FLVCR1: variants seen among roughly 807,000 people sequenced by gnomAD.
The protein encoded by FLVCR1 is FLVCR choline and heme transporter 1.
In FLVCR1, 34 loss-of-function variants were observed where a neutral mutation model predicts 53.6. The observed-to-expected ratio is 0.63, with a 90% confidence interval of 0.48 to 0.84. The LOEUF is 0.84. Among genes scored for constraint, FLVCR1 ranks in the 40% least tolerant of loss-of-function variants. The probability of loss-of-function intolerance (pLI) is 0.00; values close to 1 mark genes in which losing one functional copy is unlikely to be tolerated. For synonymous variants in FLVCR1, 300 were observed against 286.3 expected, an observed-to-expected ratio of 1.05 and a Z score of -0.48; for missense variants, 677 against 696.7, an observed-to-expected ratio of 0.97 and a Z score of 0.32.
At chr1:212,860,302 C>T (rs1664182481) in intron 1 of FLVCR1, among the ~76,000 whole-genome samples, 1 of 146,958 alleles carries the variant, frequency 6.8e-6, no homozygotes. Context: ...GAGTTGGTTG[C>T]ATCTGCAGGT....
rs1270043080 is a variant in FLVCR1, at chr1:212,899,147, C to T, written c.*3857C>T. ...GTTTCAAAAGCTGTTGCATTTATTA[C>T]AAATGTCACAAATACAGCTCTTGCC... is the stretch of plus-strand genomic sequence containing the variant. On this transcript the variant is annotated 3_prime_UTR_variant, in exon 10 of 10. Coordinates refer to ENST00000366971, the MANE Select transcript of FLVCR1 (RefSeq NM_014053.4). 6.6e-6 allele frequency: 1 copy of T among 152,182 alleles called. No homozygotes were observed. The highest frequency in any genetic ancestry group is 1.5e-5 in the Non-Finnish European group (1 of 68,032). 9.4% of individuals were successfully genotyped at this position (152,182 alleles called of 1,614,324 possible). A position where few individuals can be genotyped will look rare whatever the true frequency, so the allele number is the denominator to read the frequency against.
At chr1:212,881,479 C>G (rs765261868) in intron 3 of FLVCR1, among the ~76,000 whole-genome samples, 2 of 151,996 alleles carry the variant, frequency 1.3e-5, no homozygotes, top group African/African-American at 4.8e-5. Context: ...GCTGGGACTA[C>G]AGGCGCACAC....
rs1665385531 is a variant in FLVCR1, at chr1:212,898,048, G to A, written c.*2758G>A. The A allele has an allele frequency of 6.6e-6, 1 of 152,192 alleles. No homozygotes were observed. Among genetic ancestry groups the A allele is most frequent in the Non-Finnish European group, 1.5e-5 (1 of 68,038 alleles). The allele number at this position is 152,192 out of a possible 1,614,324, so 9.4% of individuals were successfully genotyped here. On this transcript the variant is annotated 3_prime_UTR_variant, in exon 10 of 10. Transcript: ENST00000366971. ...GGAACTCTGTGTCCATGTCCTGGAT[G>A]TATTTCTGTATGTTCCTATAACTCT...
At position 212,872,737 on chromosome 1, in the gene FLVCR1, C is replaced by T. The variant is rs1664638486; in HGVS notation, c.943C>T (p.Pro315Ser). The change falls in exon 3 of 10, where the codon CCC becomes TCC. Residue 315 changes from proline (P) to serine (S), a missense_variant. Physicochemically the swap from Pro to Ser is moderately conservative, Grantham distance 74. Transcript: ENST00000366971. ...GGCTCAAGCAGCTCTTCAAGACAGTCCCCCTGAAGAGTACTCCTATAAGAA... is the reference window on the plus strand; with the variant it reads ...GGCTCAAGCAGCTCTTCAAGACAGTTCCCCTGAAGAGTACTCCTATAAGAA... ...SQAQAALQDS[P>S]PEEYSYKKSI... 6.2e-7 allele frequency: 1 copy of T among 1,612,674 alleles called. No homozygotes were observed. The highest frequency in any genetic ancestry group is 8.5e-7 in the Non-Finnish European group (1 of 1,178,938).
chr1:212,886,030 C>T (rs1665054972), intron 5 of FLVCR1, among the ~76,000 whole-genome samples: 2 of 136,558 alleles, frequency 1.5e-5, no homozygotes, highest in South Asian at 4.6e-4. Flanking sequence ...TTTTGATAGA[C>T]TTTATCTTGT....
chr1:212,881,074 T>C (rs893905165), intron 3 of FLVCR1, among the ~76,000 whole-genome samples: 2 of 152,148 alleles, frequency 1.3e-5, no homozygotes, highest in Non-Finnish European at 2.9e-5. Context: ...AACTAGTACA[T>C]TATACATATA....
At chr1:212,863,589 A>AAAAT (rs1284016323) in intron 1 of FLVCR1, 136 bp from the exon 2 acceptor site, 1 of 843,242 alleles carries the variant, frequency 1.2e-6, no homozygotes, top group East Asian at 2.7e-5. Flanking sequence ...TCTCAAAAAA[A>AAAAT]AAAAAAAGAA....
chr1:212,890,179 C>T (rs1039117036), intron 8 of FLVCR1, among the ~76,000 whole-genome samples: 3 of 152,176 alleles, frequency 2.0e-5, no homozygotes, highest in African/African-American at 7.2e-5. Flanking sequence ...CCATAGTTTG[C>T]CCATGCACAT....
At chr1:212,880,557 G>A (rs1353590242) in intron 3 of FLVCR1, among the ~76,000 whole-genome samples, 1 of 152,136 alleles carries the variant, frequency 6.6e-6, no homozygotes, top group Admixed American at 6.5e-5. Context: ...CAGCACTTTG[G>A]TAGGACAAGG....
chr1:212,889,399 T>A (rs767322314), intron 8 of FLVCR1, 142 bp downstream of exon 8: 18 of 667,228 alleles, frequency 2.7e-5, no homozygotes, highest in Non-Finnish European at 4.9e-5. Context: ...TCTAAAGACA[T>A]GAATCTCTTA....
At chr1:212,861,346 G>T (rs1048715033) in intron 1 of FLVCR1, among the ~76,000 whole-genome samples, 1 of 152,124 alleles carries the variant, frequency 6.6e-6, no homozygotes, top group African/African-American at 2.4e-5. Context: ...GCTCCTCCAG[G>T]AACTTTTTCT....
Position 212,859,203 on chromosome 1 carries a change from G to A in FLVCR1, c.738+13G>A, listed in dbSNP as rs1474142519. The A allele has an allele frequency of 6.2e-6, 10 of 1,613,918 alleles. No individual in the cohort carries two copies. The highest frequency in any genetic ancestry group is 8.5e-6 in the Non-Finnish European group (10 of 1,180,054). On this transcript the variant is annotated intron_variant, in intron 1 of 9. Transcript: ENST00000366971. ...GCTGGGCAATCAGGTAAGTACTGGA[G>A]TGGTAGGTGAAAGTCAGATCCTTAA...
At chr1:212,871,430 T>C (rs569961492) in intron 2 of FLVCR1, among the ~76,000 whole-genome samples, 1 of 152,296 alleles carries the variant, frequency 6.6e-6, no homozygotes, top group Admixed American at 6.5e-5. Context: ...ACAGACAAGG[T>C]CTTGCTTTAT....
In FLVCR1 at chr1:212,872,787, C is replaced by T. The variant is rs750390656; in HGVS notation, c.993C>T (p.Asn331=). The stretch of plus-strand genomic sequence containing the variant: ...AATCAATAAGAAACCTGTTTAAAAA[C>T]ATTCCTTTTGTCCTTCTGTTGATCA... The part of the protein sequence containing the change: ...YKKSIRNLFK[N]IPFVLLLITY... Residue 331 remains asparagine (N), a synonymous_variant, in exon 3 of 10, where the codon AAC becomes AAT. Transcript: ENST00000366971. The T allele has an allele frequency of 6.2e-7, 1 of 1,613,868 alleles. No individual in the cohort carries two copies. Among genetic ancestry groups the T allele is most frequent in the South Asian group, 1.1e-5 (1 of 91,086 alleles).
At chr1:212,870,970 A>T (rs1230301834) in intron 2 of FLVCR1, among the ~76,000 whole-genome samples, 1 of 152,150 alleles carries the variant, frequency 6.6e-6, no homozygotes, top group African/African-American at 2.4e-5. Flanking sequence ...GGGTTTCACC[A>T]TGTTGGCCAG....
chr1:212,890,288 T>C (rs1665158164), intron 8 of FLVCR1, among the ~76,000 whole-genome samples: 1 of 152,224 alleles, frequency 6.6e-6, no homozygotes, highest in African/African-American at 2.4e-5. Flanking sequence ...ATTTACATTG[T>C]ATTAGGTATT....
In FLVCR1 at chr1:212,858,362, T is replaced by G. The variant is rs1664085494; in HGVS notation, c.-91T>G. On this transcript the variant is annotated 5_prime_UTR_variant, in exon 1 of 10. Coordinates refer to ENST00000366971, the MANE Select transcript of FLVCR1 (RefSeq NM_014053.4). ...GAGCGGTGGGCCGAGGGGTTGGAGG[T>G]GGGGCCCCAGGAGGACCTCGGGCTG... 1 of 1,241,356 alleles carries G rather than the reference T, an allele frequency of 8.1e-7. No homozygotes were observed. The highest frequency in any genetic ancestry group is 2.7e-5 in the East Asian group (1 of 36,544). 76.9% of individuals were successfully genotyped at this position (1,241,356 alleles called of 1,614,324 possible).
chr1:212,863,697 G>GAGA, intron 1 of FLVCR1, 28 bp from the exon 2 acceptor site: 1 of 1,611,218 alleles, frequency 6.2e-7, no homozygotes, highest in Admixed American at 1.7e-5. Context: ...AATGATAATA[G>GAGA]CTGTTAACAG....
intron 2 of FLVCR1, among the ~76,000 whole-genome samples, chr1:212,869,128 A>G (rs1664528227): frequency 6.6e-6 from 1 of 152,268 alleles, no homozygotes; most frequent in African/African-American, 2.4e-5. Context: ...TAGATTTGCA[A>G]CGTATTCATC....
Sources: gnomAD v4.1 joint callset for allele counts (sites outside exome capture counted in the v4.1 genomes callset) on GRCh38, gnomAD v4.1.1 for gene constraint, MANE v1.5 for transcripts, NCBI Gene and HGNC (gene_info 2026-07-23, HGNC 2026-07-21) for gene names.